The following MMP27 variants were observed in gnomAD, a reference collection of about 807,000 sequenced individuals.
MMP27 encodes matrix metallopeptidase 27, also known as matrix metalloproteinase-27.
In MMP27, 51 loss-of-function variants were observed where a neutral mutation model predicts 48.1. The observed-to-expected ratio is 1.06, with a 90% CI of 0.85 to 1.34. The LOEUF (loss-of-function observed/expected upper bound fraction) is 1.34, where lower values mean the gene tolerates loss of function less well. MMP27 is among the 40% of genes most tolerant of loss of function. The probability of loss-of-function intolerance (pLI) is 0.00; values close to 1 mark genes in which losing one functional copy is unlikely to be tolerated. For synonymous variants in MMP27, 229 were observed against 208.9 expected (o/e 1.10, Z -0.83); for missense variants, 698 against 619.3 (o/e 1.13, Z -1.35).
chr11:102,695,341 T>C (rs1038018771), intron 6 of MMP27, among the ~76,000 whole-genome samples: 9 of 152,176 alleles, frequency 5.9e-5, no homozygotes, highest in Non-Finnish European at 1.3e-4. Flanking sequence ...ATCATGGAAA[T>C]CTTATTCTGA....
chr11:102,704,787 G>GAAA lies in MMP27; in HGVS notation c.103-13_103-12insTTT. 7.3e-7 allele frequency: 1 copy of GAAA among 1,377,056 alleles called. No homozygotes were observed. Among genetic ancestry groups the GAAA allele is most frequent in the Non-Finnish European group, 9.7e-7 (1 of 1,033,948 alleles). The allele number at this position is 1,377,056 out of a possible 1,614,324, so 85.3% of individuals were successfully genotyped here. ...TGGTTGAGATATGCCTGACCAAAAA[G>GAAA]ATAAGAAAAAAAAAAAAGAGGCACA... On this transcript the variant is annotated splice_polypyrimidine_tract_variant and intron_variant, in intron 1 of 9. Transcript: ENST00000260229.
intron 1 of MMP27, 91 bp downstream of exon 1, chr11:102,705,522 T>C: frequency 1.3e-6 from 1 of 797,766 alleles, no homozygotes; most frequent in Non-Finnish European, 2.0e-6. Context: ...AGGACTCTTT[T>C]GCAGGAATGT....
At chr11:102,702,567 T>C (rs569364502) in intron 4 of MMP27, among the ~76,000 whole-genome samples, 186 bp downstream of exon 4, 1 of 152,352 alleles carries the variant, frequency 6.6e-6, no homozygotes, top group East Asian at 1.9e-4. Context: ...AAGACTGCTC[T>C]GATCATAGTA....
rs751191178 is a variant in MMP27 at position 102,692,890 on chromosome 11, T to C, written c.1297+48A>G. On this transcript the variant is annotated intron_variant, in intron 9 of 9. Coordinates refer to ENST00000260229, the MANE Select transcript of MMP27 (RefSeq NM_022122.3). ...GTTTTTGTGCTGTCTTTTTTCACAG[T>C]CAACACAGTCTCTCAAGTATCCCAA... 7 of 1,489,054 alleles carry C rather than the reference T, an allele frequency of 4.7e-6. No homozygotes were observed. The Admixed American group carries it at 9.0e-5, about 19-fold the overall frequency. 92.2% of individuals were successfully genotyped at this position (1,489,054 alleles called of 1,614,324 possible).
rs755755783 is a variant in MMP27 at position 102,703,160 on chromosome 11, T to C, written c.342-42A>G. The C allele has an allele frequency of 3.2e-6, 5 of 1,576,954 alleles. No homozygotes were observed. In the African/African-American group the frequency reaches 5.4e-5, roughly 17 times the overall value. On this transcript the variant is annotated intron_variant, in intron 2 of 9. Coordinates refer to ENST00000260229, the MANE Select transcript of MMP27 (RefSeq NM_022122.3). ...AATATGTCAATTTCTGGCTTATTCA[T>C]GCATGAATATACACACATAACTACA...
At chr11:102,701,022 T>G (rs1860930132) in intron 4 of MMP27, among the ~76,000 whole-genome samples, 1 of 152,254 alleles carries the variant, frequency 6.6e-6, no homozygotes, top group Admixed American at 6.5e-5. Flanking sequence ...TTTTAAAAAT[T>G]GCAATTTTGT....
At chr11:102,694,629 A>T (rs1860789822) in intron 7 of MMP27, among the ~76,000 whole-genome samples, 1 of 152,208 alleles carries the variant, frequency 6.6e-6, no homozygotes, top group South Asian at 2.1e-4. Context: ...TGTTTATCTG[A>T]AATTTATAGT....
chr11:102,694,498 C>A (rs1860786946), intron 7 of MMP27, among the ~76,000 whole-genome samples: 1 of 152,134 alleles, frequency 6.6e-6, no homozygotes, highest in African/African-American at 2.4e-5. Flanking sequence ...CTGATAAGAT[C>A]ATGATCATTA....
chr11:102,691,892 T>A lies in MMP27; in HGVS notation c.1416A>T (p.Ser472=). 1.9e-6 allele frequency: 3 copies of A among 1,613,618 alleles called. No homozygotes were observed. Among genetic ancestry groups the A allele is most frequent in the Non-Finnish European group, 2.5e-6 (3 of 1,179,768 alleles). ...WFQCKEPKNS[S]FGFDINKEKA... ...TTTCCTTGTTGATATCAAAACCAAA[T>A]GAGGAGTTCTTTGGTTCTTTGCATT... The change falls in exon 10 of 10, where the codon TCA becomes TCT. Residue 472 remains serine (S), a synonymous_variant. Coordinates refer to ENST00000260229, the MANE Select transcript of MMP27 (RefSeq NM_022122.3).
At chr11:102,692,721 A>T (rs1860747867) in intron 9 of MMP27, among the ~76,000 whole-genome samples, 1 of 152,176 alleles carries the variant, frequency 6.6e-6, no homozygotes, top group Non-Finnish European at 1.5e-5. Context: ...TGGATTTGGT[A>T]CTTTTTACAT....
intron 8 of MMP27, among the ~76,000 whole-genome samples, chr11:102,693,340 A>G (rs1312174040): frequency 6.6e-6 from 1 of 152,178 alleles, no homozygotes; most frequent in East Asian, 1.9e-4. Flanking sequence ...ATTTTTCACT[A>G]GATATGTTTG....
At chr11:102,705,529 A>G (rs1356763608) in intron 1 of MMP27, 84 bp downstream of exon 1, 25 of 848,780 alleles carry the variant, frequency 2.9e-5, no homozygotes, top group Non-Finnish European at 7.2e-6. Context: ...TTTTGCAGGA[A>G]TGTGTTTTCT....
intron 4 of MMP27, 85 bp downstream of exon 4, chr11:102,702,668 T>G: frequency 6.8e-7 from 1 of 1,467,886 alleles, no homozygotes. Context: ...AACTTTACAG[T>G]TAAAAAGCAG....
chr11:102,704,879 G>C, intron 1 of MMP27, 104 bp from the exon 2 acceptor site: 1 of 662,890 alleles, frequency 1.5e-6, no homozygotes, highest in Non-Finnish European at 2.5e-6. Context: ...TCTGGCAATA[G>C]GAAAGGGGAA....
rs758935003 is a variant in MMP27 at position 102,695,093 on chromosome 11, G to C, written c.907C>G (p.Leu303Val). 5.0e-6 allele frequency: 8 copies of C among 1,613,298 alleles called. No homozygotes were observed. The highest frequency in any genetic ancestry group is 6.8e-6 in the Non-Finnish European group (8 of 1,179,538). Residue 303 changes from leucine to valine, a missense_variant, in exon 7 of 10, where the codon CTA becomes GTA. By Grantham distance (32) the Leu-to-Val change is conservative. Transcript: ENST00000260229. ...GTGATATCATAATAGATCCTCCATA[G>C]GTGCCTGTGTTAAACAAAAAACACT... ...REVMFFKGRHLWRIYYDITDV... is the reference protein window; with the variant it reads ...REVMFFKGRHVWRIYYDITDV...
At chr11:102,701,036 A>C (rs1355239163) in intron 4 of MMP27, among the ~76,000 whole-genome samples, 1 of 152,210 alleles carries the variant, frequency 6.6e-6, no homozygotes, top group Non-Finnish European at 1.5e-5. Flanking sequence ...ATTTTGTTGG[A>C]GATTACGTTT....
chr11:102,700,448 C>T (rs1413693367), intron 4 of MMP27, among the ~76,000 whole-genome samples: 1 of 152,206 alleles, frequency 6.6e-6, no homozygotes, highest in East Asian at 1.9e-4. Flanking sequence ...CAAGCACTTT[C>T]TGAGTGTTCA....
chr11:102,692,086 G>T, intron 9 of MMP27, 76 bp from the exon 10 acceptor site: 3 of 1,316,392 alleles, frequency 2.3e-6, no homozygotes, highest in East Asian at 2.6e-5. Context: ...TTATAAACAT[G>T]GAAAAAAATA....
In MMP27 at chr11:102,696,738, G is replaced by T. The variant is rs751422194; in HGVS notation, c.717C>A (p.Val239=). 5.6e-6 allele frequency: 9 copies of T among 1,613,748 alleles called. No homozygotes were observed. Among genetic ancestry groups the T allele is most frequent in the Admixed American group, 3.3e-5 (2 of 59,944 alleles). ...GTGGGTATTTTCTGGGATCCAGGGA[G>T]ACATAATTTGGGAACATCAAGGCTG... ...DQTALMFPNY[V]SLDPRKYPLS... Residue 239 remains valine (V), a synonymous_variant, in exon 5 of 10, where the codon GTC becomes GTA. Transcript: ENST00000260229.
Sources: gnomAD v4.1 joint callset for allele counts (sites outside exome capture counted in the v4.1 genomes callset) on GRCh38, gnomAD v4.1.1 for gene constraint, MANE v1.5 for transcripts, NCBI Gene and HGNC (gene_info 2026-07-23, HGNC 2026-07-21) for gene names.